The following LYPLAL1 variants were observed in gnomAD, a reference collection of about 807,000 sequenced individuals.
LYPLAL1 encodes the protein lysophospholipase like 1.
Under a neutral mutation model 19.7 loss-of-function variants are expected in LYPLAL1, and 23 were observed. That is an observed-to-expected ratio of 1.17 (90% CI 0.84 to 1.65). The LOEUF (loss-of-function observed/expected upper bound fraction) is 1.65. Ranked by LOEUF, LYPLAL1 falls within the 40% of genes most tolerant of loss-of-function variation. The probability of loss-of-function intolerance (pLI) is 0.00; values close to 1 mark genes in which losing one functional copy is unlikely to be tolerated. For synonymous variants in LYPLAL1, 119 were observed against 96.3 expected, an observed-to-expected ratio of 1.24 and a Z score of -1.38; for missense variants, 355 against 279.4, an observed-to-expected ratio of 1.27 and a Z score of -1.93.
the LYPLAL1 span, among the ~76,000 whole-genome samples, chr1:219,330,016 T>C: frequency 6.6e-6 from 1 of 152,154 alleles, no homozygotes. Context: ...AAATTTACTG[T>C]AGATCCTCAC....
the LYPLAL1 span, among the ~76,000 whole-genome samples, chr1:219,278,453 G>A: frequency 3.3e-5 from 5 of 152,050 alleles, no homozygotes; most frequent in African/African-American, 9.7e-5. Flanking sequence ...ATGTATGTCC[G>A]GTTGTCTGGG....
chr1:219,370,061 G>C, the LYPLAL1 span, among the ~76,000 whole-genome samples: 1 of 152,210 alleles, frequency 6.6e-6, no homozygotes, highest in African/African-American at 2.4e-5. Flanking sequence ...GCCACACTCA[G>C]AGGGGCATGA....
At chr1:219,220,259 A>G in the LYPLAL1 span, among the ~76,000 whole-genome samples, 1 of 150,200 alleles carries the variant, frequency 6.7e-6, no homozygotes. Context: ...AATGTACTCA[A>G]CCAATTAGCC....
the LYPLAL1 span, among the ~76,000 whole-genome samples, chr1:219,439,992 C>T: frequency 0.052 from 1,667 of 32,072 alleles, 30 homozygotes; most frequent in African/African-American, 0.13. Flanking sequence ...TATATATATA[C>T]ACACATATAT....
the LYPLAL1 span, among the ~76,000 whole-genome samples, chr1:219,292,810 G>A: frequency 2.6e-5 from 4 of 152,264 alleles, no homozygotes; most frequent in South Asian, 6.2e-4. Context: ...GAGATAGAGA[G>A]GCAAGGCTTC....
At chr1:219,418,185 C>T in the LYPLAL1 span, among the ~76,000 whole-genome samples, 1 of 152,160 alleles carries the variant, frequency 6.6e-6, no homozygotes, top group Non-Finnish European at 1.5e-5. Flanking sequence ...AAAAAGTTAT[C>T]CTGCCATTTT....
At chr1:219,325,517 C>A in the LYPLAL1 span, among the ~76,000 whole-genome samples, 1 of 152,182 alleles carries the variant, frequency 6.6e-6, no homozygotes, top group Non-Finnish European at 1.5e-5. Context: ...ACTCTATCAT[C>A]ATGGTTTTAC....
At chr1:219,318,487 G>T in the LYPLAL1 span, among the ~76,000 whole-genome samples, 2 of 150,194 alleles carry the variant, frequency 1.3e-5, no homozygotes, top group South Asian at 4.2e-4. Flanking sequence ...ACTGTGAATT[G>T]TATAAAACAA....
At chr1:219,213,647 A>G (rs57492200), downstream of LYPLAL1, among the ~76,000 whole-genome samples, 1 of 151,988 alleles carries the variant, frequency 6.6e-6, no homozygotes, top group Non-Finnish European at 1.5e-5. Context: ...TGTTAGATTT[A>G]TACTTGTATT....
the LYPLAL1 span, among the ~76,000 whole-genome samples, chr1:219,340,880 T>A: frequency 6.6e-6 from 1 of 152,076 alleles, no homozygotes; most frequent in Non-Finnish European, 1.5e-5. Flanking sequence ...GGAACCCATT[T>A]GTTTTGTAAC....
chr1:219,364,572 T>C, the LYPLAL1 span, among the ~76,000 whole-genome samples: 1 of 152,154 alleles, frequency 6.6e-6, no homozygotes, highest in South Asian at 2.1e-4. Flanking sequence ...GACTTTGTGA[T>C]TACTTTTTAG....
the LYPLAL1 span, among the ~76,000 whole-genome samples, chr1:219,397,242 C>A: frequency 4.6e-5 from 7 of 152,176 alleles, no homozygotes; most frequent in Non-Finnish European, 8.8e-5. Flanking sequence ...GTTGAACCAA[C>A]CTTGTATTCC....
intron 3 of LYPLAL1, among the ~76,000 whole-genome samples, chr1:219,205,342 C>T (rs1159083799): frequency 7.9e-6 from 1 of 126,954 alleles, no homozygotes; most frequent in South Asian, 2.5e-4. Flanking sequence ...CCGGCCTGGG[C>T]GACAGAGCGA....
the LYPLAL1 span, among the ~76,000 whole-genome samples, chr1:219,396,665 G>GTATTTTACT: frequency 1.7e-4 from 26 of 152,154 alleles, no homozygotes; most frequent in African/African-American, 5.8e-4. Flanking sequence ...GTATTCCTAG[G>GTATTTTACT]TATTTTACTT....
intron 3 of LYPLAL1, among the ~76,000 whole-genome samples, chr1:219,209,147 C>G (rs1164638119): frequency 2.6e-5 from 4 of 152,070 alleles, no homozygotes; most frequent in Non-Finnish European, 5.9e-5. Flanking sequence ...TTTCAGGTGG[C>G]TCTTGTCCAT....
the LYPLAL1 span, among the ~76,000 whole-genome samples, chr1:219,355,226 A>G: frequency 6.6e-6 from 1 of 152,244 alleles, no homozygotes; most frequent in African/African-American, 2.4e-5. Flanking sequence ...AGGAACTGAT[A>G]TGGCTAGTGG....
the LYPLAL1 span, among the ~76,000 whole-genome samples, chr1:219,433,263 C>T: frequency 6.6e-6 from 1 of 152,124 alleles, no homozygotes; most frequent in Non-Finnish European, 1.5e-5. Flanking sequence ...GGGAACTGTC[C>T]TGCACCAGAT....
the LYPLAL1 span, among the ~76,000 whole-genome samples, chr1:219,366,472 C>T: frequency 3.3e-5 from 5 of 152,276 alleles, 1 homozygote; most frequent in South Asian, 4.1e-4. Context: ...ATTCCTTGCT[C>T]GTGTGACTTA....
chr1:219,298,309 C>G, the LYPLAL1 span, among the ~76,000 whole-genome samples: 1 of 151,980 alleles, frequency 6.6e-6, no homozygotes, highest in African/African-American at 2.4e-5. Context: ...GACCCTGTCT[C>G]AAAAATAAAA....
Sources: gnomAD v4.1 joint callset for allele counts (sites outside exome capture counted in the v4.1 genomes callset) on GRCh38, gnomAD v4.1.1 for gene constraint, MANE v1.5 for transcripts, NCBI Gene and HGNC (gene_info 2026-07-23, HGNC 2026-07-21) for gene names.